The following OPHN1 variants were observed in gnomAD, a reference collection of about 807,000 sequenced individuals.
OPHN1 encodes the protein oligophrenin-1.
In OPHN1, 11 loss-of-function variants were observed where a neutral mutation model predicts 60.7. The ratio of observed to expected loss-of-function variants is 0.18; its 90% CI spans 0.11 to 0.30. The LOEUF (loss-of-function observed/expected upper bound fraction) is 0.30. Among genes scored for constraint, OPHN1 ranks in the 10% least tolerant of loss-of-function variants. The probability of loss-of-function intolerance (pLI) is 1.00; values close to 1 mark genes in which losing one functional copy is unlikely to be tolerated. For synonymous variants in OPHN1, 226 were observed against 222.6 expected, an observed-to-expected ratio of 1.02 and a Z score of -0.14; for missense variants, 449 against 611.0, an observed-to-expected ratio of 0.73 and a Z score of 2.80.
chrX:68,077,661 A>G (rs1239429938), intron 19 of OPHN1, among the ~76,000 whole-genome samples: 2 of 112,347 alleles, frequency 1.8e-5, no homozygotes, highest in Admixed American at 9.4e-5. Context: ...GTCTAAAAGC[A>G]TACACATTAA....
intron 3 of OPHN1, among the ~76,000 whole-genome samples, chrX:68,293,698 T>G (rs2078080638): frequency 9.0e-6 from 1 of 111,470 alleles, no homozygotes; most frequent in African/African-American, 3.3e-5. Flanking sequence ...AGATTGAAAT[T>G]TGAAGTTAAA....
intron 2 of OPHN1, among the ~76,000 whole-genome samples, chrX:68,332,603 C>CT (rs2078301296): frequency 1.8e-5 from 2 of 111,532 alleles, no homozygotes. Flanking sequence ...AAAAGCTTGC[C>CT]TTTTTCAAAT....
At chrX:68,324,554 G>A (rs2078250272) in intron 2 of OPHN1, among the ~76,000 whole-genome samples, 2 of 106,147 alleles carry the variant, frequency 1.9e-5, no homozygotes, top group South Asian at 8.5e-4. Flanking sequence ...CAAGGCTGCA[G>A]TGTCAGATGT....
chrX:68,083,933 C>A (rs939344595), intron 19 of OPHN1, among the ~76,000 whole-genome samples: 1 of 110,543 alleles, frequency 9.0e-6, no homozygotes, highest in Non-Finnish European at 1.9e-5. Flanking sequence ...GTTCATGGAG[C>A]CGCAAAACAA....
intron 6 of OPHN1, among the ~76,000 whole-genome samples, chrX:68,233,448 C>A (rs1352084926): frequency 2.7e-5 from 3 of 111,572 alleles, no homozygotes; most frequent in African/African-American, 9.8e-5. Flanking sequence ...AACATATAGA[C>A]CCCTCCTTCC....
intron 2 of OPHN1, among the ~76,000 whole-genome samples, chrX:68,311,984 T>C (rs779013798): frequency 9.0e-6 from 1 of 111,522 alleles, no homozygotes; most frequent in East Asian, 2.8e-4. Flanking sequence ...CAAATGTTAA[T>C]ACATTTTAAA....
At chrX:68,305,905 T>G (rs1367380702) in intron 2 of OPHN1, among the ~76,000 whole-genome samples, 1 of 112,152 alleles carries the variant, frequency 8.9e-6, no homozygotes, top group African/African-American at 3.2e-5. Context: ...TGAGACAGAC[T>G]AAGACACAGG....
chrX:68,159,648 C>A (rs955186793), intron 15 of OPHN1, among the ~76,000 whole-genome samples: 1 of 111,491 alleles, frequency 9.0e-6, no homozygotes, highest in African/African-American at 3.3e-5. Context: ...CGTATTTAGA[C>A]GTCATATGTG....
At chrX:68,117,812 C>G (rs1179548037) in intron 16 of OPHN1, among the ~76,000 whole-genome samples, 1 of 111,496 alleles carries the variant, frequency 9.0e-6, no homozygotes, top group African/African-American at 3.3e-5. Context: ...GTCTCGAGAA[C>G]AAATATCACT....
rs751281321 is a variant in OPHN1, at chrX:68,238,510, A to G, written c.385-3922T>C. Reference sequence around the variant, plus strand: ...ATTAGAGGAGAATTAACATCTGTATAATATTAACGAAATCCATTTGAAAAG... The same window carrying G: ...ATTAGAGGAGAATTAACATCTGTATGATATTAACGAAATCCATTTGAAAAG... On this transcript the variant is annotated intron_variant, in intron 5 of 24. Transcript: ENST00000355520. Among the ~76,000 whole-genome samples the G allele has an allele frequency of 1.1e-3, 124 of 111,232 alleles. 1 individual carries two copies. Among genetic ancestry groups the G allele is most frequent in the South Asian group, 1.5e-3 (4 of 2,645 alleles).
intron 5 of OPHN1, among the ~76,000 whole-genome samples, chrX:68,272,878 C>T (rs771321727): frequency 8.4e-4 from 94 of 112,402 alleles, no homozygotes; most frequent in African/African-American, 2.9e-3. Flanking sequence ...CAAATTGTTT[C>T]ACAAGTGGTT....
At chrX:68,227,058 G>A (rs2077697928) in intron 6 of OPHN1, among the ~76,000 whole-genome samples, 1 of 111,108 alleles carries the variant, frequency 9.0e-6, no homozygotes, top group Non-Finnish European at 1.9e-5. Context: ...AGGGATGGAG[G>A]AAGATCTACC....
chrX:68,046,791 C>T lies in OPHN1; in HGVS notation c.*381G>A, dbSNP rs2076833817. On this transcript the variant is annotated 3_prime_UTR_variant, in exon 25 of 25. Transcript: ENST00000355520. ...CTGAGATCAGTCTTTAGCCCCAAAT[C>T]TCTCAGAGTTCAATGGCCCTCTGAG... The T allele has an allele frequency of 8.9e-6, 1 of 112,061 alleles. No individual in the cohort carries two copies. Among genetic ancestry groups the T allele is most frequent in the South Asian group, 3.8e-4 (1 of 2,647 alleles). The allele number at this position is 112,061 out of a possible 1,213,427, so 9.2% of individuals were successfully genotyped here. A position where few individuals can be genotyped will look rare whatever the true frequency, so the allele number is the denominator to read the frequency against.
intron 19 of OPHN1, among the ~76,000 whole-genome samples, chrX:68,090,513 G>A (rs999349648): frequency 2.7e-5 from 3 of 110,820 alleles, no homozygotes; most frequent in Admixed American, 1.9e-4. Context: ...GACAGACCAG[G>A]ACTGGAAGGG....
At chrX:68,137,931 T>A (rs1302271958) in intron 15 of OPHN1, among the ~76,000 whole-genome samples, 3 of 111,689 alleles carry the variant, frequency 2.7e-5, no homozygotes. Flanking sequence ...CACACAATAT[T>A]ATTTTTTTTC....
chrX:68,085,251 C>A (rs1318738782), intron 19 of OPHN1, among the ~76,000 whole-genome samples: 1 of 112,025 alleles, frequency 8.9e-6, no homozygotes, highest in East Asian at 2.8e-4. Context: ...TGCCTTGGGC[C>A]TTTCTACTAG....
At chrX:68,074,024 T>C (rs1285604791) in intron 19 of OPHN1, among the ~76,000 whole-genome samples, 2 of 112,744 alleles carry the variant, frequency 1.8e-5, no homozygotes, top group Non-Finnish European at 3.7e-5. Flanking sequence ...TTTTATATAA[T>C]GTCTCATGTG....
intron 19 of OPHN1, among the ~76,000 whole-genome samples, chrX:68,079,039 C>T (rs1309972206): frequency 1.8e-5 from 2 of 108,676 alleles, no homozygotes; most frequent in Non-Finnish European, 3.8e-5. Context: ...TAAACAACTT[C>T]AACTTTCTGT....
chrX:68,093,768 GTGCT>G (rs2077027524), intron 19 of OPHN1, among the ~76,000 whole-genome samples: 1 of 110,577 alleles, frequency 9.0e-6, no homozygotes, highest in African/African-American at 3.3e-5. Context: ...TTGAATTTTT[GTGCT>G]GTTGAGCTTT....
Sources: gnomAD v4.1 joint callset for allele counts (sites outside exome capture counted in the v4.1 genomes callset) on GRCh38, gnomAD v4.1.1 for gene constraint, MANE v1.5 for transcripts, NCBI Gene and HGNC (gene_info 2026-07-23, HGNC 2026-07-21) for gene names.